CCDC38: variants seen among roughly 807,000 people sequenced by gnomAD.
The protein encoded by CCDC38 is coiled-coil domain-containing protein 38.
Under a neutral mutation model 72.8 loss-of-function variants are expected in CCDC38, and 69 were observed. The observed-to-expected ratio is 0.95, with a 90% CI of 0.78 to 1.16. The LOEUF is 1.16. Among genes scored for constraint, CCDC38 ranks in the 50% most tolerant of loss-of-function variants. The pLI, the probability that CCDC38 is intolerant of heterozygous loss-of-function variation, is 0.00. For missense variants in CCDC38, 626 were observed against 638.9 expected (o/e 0.98, Z 0.22); for synonymous variants, 201 against 213.2 (o/e 0.94, Z 0.50).
chr12:95,937,095 A>C (rs1437250488), intron 1 of CCDC38, among the ~76,000 whole-genome samples: 1 of 152,240 alleles, frequency 6.6e-6, no homozygotes, highest in East Asian at 1.9e-4. Context: ...AAAAAAATCA[A>C]CTTTCAGTTA....
chr12:95,932,472 T>G (rs776800652), intron 2 of CCDC38, among the ~76,000 whole-genome samples: 10 of 152,204 alleles, frequency 6.6e-5, no homozygotes, highest in Non-Finnish European at 1.3e-4. Flanking sequence ...CATACCAATA[T>G]TAAGTATCTT....
intron 4 of CCDC38, 71 bp from the exon 5 acceptor site, chr12:95,906,522 A>T: frequency 9.5e-7 from 1 of 1,048,484 alleles, no homozygotes; most frequent in Non-Finnish European, 1.5e-6. Flanking sequence ...AATAAAAGCC[A>T]TATAATTAAA....
chr12:95,917,744 T>G (rs1346292160), intron 3 of CCDC38, among the ~76,000 whole-genome samples: 1 of 151,512 alleles, frequency 6.6e-6, no homozygotes, highest in East Asian at 1.9e-4. Flanking sequence ...TGGTGACGGG[T>G]GCCTGTAGTC....
chr12:95,872,193 G>A, intron 14 of CCDC38, 62 bp downstream of exon 14: 1 of 1,458,682 alleles, frequency 6.9e-7, no homozygotes, highest in Middle Eastern at 1.8e-4. Context: ...TTGCTAATGT[G>A]TTTGTGGAAT....
At chr12:95,936,553 A>C in intron 1 of CCDC38, 30 bp from the exon 2 acceptor site, 1 of 1,591,162 alleles carries the variant, frequency 6.3e-7, no homozygotes. Context: ...TACGTTTTTT[A>C]AAAATTCTAT....
chr12:95,895,779 C>T (rs1210888494), intron 7 of CCDC38, among the ~76,000 whole-genome samples: 3 of 140,756 alleles, frequency 2.1e-5, no homozygotes, highest in East Asian at 4.2e-4. Flanking sequence ...AAAAAAAAGC[C>T]GGGCATGGTG....
intron 14 of CCDC38, chr12:95,869,817 G>A (rs1339629692): frequency 1.4e-5 from 5 of 355,676 alleles, no homozygotes. Flanking sequence ...CCAGATCTTG[G>A]TCTATTTTTT....
At chr12:95,934,698 TCAA>T (rs2080373206) in intron 2 of CCDC38, 1 of 71,072 alleles carries the variant, frequency 1.4e-5, no homozygotes, top group Non-Finnish European at 2.4e-5. Context: ...ATTCACGACA[TCAA>T]AAAAAAAAAA....
At chr12:95,917,729 G>A (rs940571821) in intron 3 of CCDC38, among the ~76,000 whole-genome samples, 3 of 151,898 alleles carry the variant, frequency 2.0e-5, no homozygotes, top group African/African-American at 4.8e-5. Context: ...AAAATTAGCC[G>A]GGCGTGGTGA....
At chr12:95,936,264 G>T (rs563578211) in intron 2 of CCDC38, among the ~76,000 whole-genome samples, 1 of 152,142 alleles carries the variant, frequency 6.6e-6, no homozygotes, top group South Asian at 2.1e-4. Context: ...GGGCAATCTG[G>T]CTAAATATGA....
At chr12:95,917,418 G>T in intron 3 of CCDC38, 124 bp from the exon 4 acceptor site, 1 of 730,422 alleles carries the variant, frequency 1.4e-6, no homozygotes, top group Non-Finnish European at 2.1e-6. Context: ...ACAACCCCAG[G>T]TTCTTCTCTT....
chr12:95,905,242 C>A (rs1178099989), intron 5 of CCDC38, among the ~76,000 whole-genome samples: 2 of 152,024 alleles, frequency 1.3e-5, no homozygotes, highest in Admixed American at 1.3e-4. Flanking sequence ...GATGCTGAAC[C>A]TGTGGATACA....
intron 2 of CCDC38, among the ~76,000 whole-genome samples, chr12:95,927,322 T>C (rs1160328310): frequency 6.6e-6 from 1 of 151,782 alleles, no homozygotes; most frequent in African/African-American, 2.4e-5. Context: ...TGATCTTTGT[T>C]GGTTTAAAGT....
intron 2 of CCDC38, chr12:95,919,668 A>T (rs1381898082): frequency 2.2e-6 from 1 of 455,004 alleles, no homozygotes; most frequent in East Asian, 7.0e-5. Flanking sequence ...CTTTACCAAA[A>T]TAGTAGGATA....
chr12:95,941,740 T>C (rs1464332752), intron 1 of CCDC38, among the ~76,000 whole-genome samples: 1 of 152,186 alleles, frequency 6.6e-6, no homozygotes, highest in Non-Finnish European at 1.5e-5. Context: ...TCTACTTCTC[T>C]TTTTAAAGAC....
At chr12:95,869,397 A>G (rs1037982672) in intron 15 of CCDC38, 83 bp downstream of exon 15, 2 of 1,004,244 alleles carry the variant, frequency 2.0e-6, no homozygotes, top group South Asian at 2.9e-5. Flanking sequence ...TTCAACCTGG[A>G]TAAGTTAGAC....
At chr12:95,896,278 G>T (rs888806071) in intron 7 of CCDC38, among the ~76,000 whole-genome samples, 43 of 152,094 alleles carry the variant, frequency 2.8e-4, no homozygotes, top group African/African-American at 9.7e-4. Context: ...TGACTCAGAT[G>T]CCCAAGCTCT....
At chr12:95,924,959 G>A (rs2080252641) in intron 2 of CCDC38, among the ~76,000 whole-genome samples, 1 of 142,152 alleles carries the variant, frequency 7.0e-6, no homozygotes, top group South Asian at 2.4e-4. Context: ...AGTATAGTTT[G>A]AAGTCAGGTA....
chr12:95,926,378 G>A (rs756342540), intron 2 of CCDC38, among the ~76,000 whole-genome samples: 7,666 of 151,860 alleles, frequency 0.05, 277 homozygotes, highest in Non-Finnish European at 0.076. Flanking sequence ...CTGTGGGATC[G>A]GTGGTGATAT....
Sources: gnomAD v4.1 joint callset for allele counts (sites outside exome capture counted in the v4.1 genomes callset) on GRCh38, gnomAD v4.1.1 for gene constraint, MANE v1.5 for transcripts, NCBI Gene and HGNC (gene_info 2026-07-23, HGNC 2026-07-21) for gene names.